The following FUT8 variants were observed in gnomAD, a reference collection of about 807,000 sequenced individuals.
The protein encoded by FUT8 is fucosyltransferase 8, also known as alpha-(1,6)-fucosyltransferase.
Under a neutral mutation model 71.3 loss-of-function variants are expected in FUT8, and 29 were observed. The ratio of observed to expected loss-of-function variants is 0.41; its 90% CI spans 0.30 to 0.55. The LOEUF (loss-of-function observed/expected upper bound fraction) is 0.55. FUT8 is among the 20% of genes least tolerant of loss of function. The pLI, the probability that FUT8 is intolerant of heterozygous loss-of-function variation, is 0.34. For missense variants in FUT8, 544 were observed against 702.1 expected (o/e 0.77, Z 2.55); for synonymous variants, 254 against 239.3 (o/e 1.06, Z -0.57).
chr14:65,529,921 G>T (rs1044308016), intron 2 of FUT8, among the ~76,000 whole-genome samples: 1 of 152,124 alleles, frequency 6.6e-6, no homozygotes. Flanking sequence ...TGTCTTGCCT[G>T]TGAGAACTTA....
chr14:65,363,313 G>A, the FUT8 span, among the ~76,000 whole-genome samples: 5 of 146,330 alleles, frequency 3.4e-5, no homozygotes, highest in Non-Finnish European at 7.4e-5. Context: ...GTAGAGATGG[G>A]GTTTCACCCT....
the FUT8 span, among the ~76,000 whole-genome samples, chr14:65,369,082 G>A: frequency 0.01 from 1,561 of 152,284 alleles, 13 homozygotes; most frequent in Middle Eastern, 0.024. The surrounding 1 kb of genome is among the most constrained non-coding windows in gnomAD (Gnocchi z 4.6). Flanking sequence ...ATGTCTGAAA[G>A]TCAGCATATA....
intron 7 of FUT8, among the ~76,000 whole-genome samples, chr14:65,679,796 G>A (rs1892949951): frequency 1.3e-5 from 2 of 152,196 alleles, no homozygotes; most frequent in African/African-American, 2.4e-5. Flanking sequence ...CTCTGACAGT[G>A]TGTCACATAT....
intron 5 of FUT8, among the ~76,000 whole-genome samples, chr14:65,621,257 G>T (rs7142567): frequency 0.064 from 9,300 of 144,212 alleles, 518 homozygotes; most frequent in African/African-American, 0.15. Flanking sequence ...TTTTTTTTTT[G>T]TTTTGTTTTC....
intron 1 of FUT8, among the ~76,000 whole-genome samples, chr14:65,424,664 T>C (rs928095746): frequency 6.6e-6 from 1 of 151,012 alleles, no homozygotes; most frequent in African/African-American, 2.4e-5. Flanking sequence ...CAGCCTCCCG[T>C]CTTTTTCTTT....
At chr14:65,613,267 A>G (rs1889101812) in intron 3 of FUT8, among the ~76,000 whole-genome samples, 2 of 152,184 alleles carry the variant, frequency 1.3e-5, no homozygotes, top group African/African-American at 2.4e-5. Flanking sequence ...CAATTTTTCT[A>G]TCACTAACAT....
chr14:65,557,449 A>G (rs1159580556), intron 2 of FUT8, among the ~76,000 whole-genome samples: 1 of 151,252 alleles, frequency 6.6e-6, no homozygotes, highest in Non-Finnish European at 1.5e-5. Flanking sequence ...TCTCTGCCTC[A>G]GCCTCCTAAG....
chr14:65,740,191 G>A (rs577738573), intron 10 of FUT8, among the ~76,000 whole-genome samples: 104 of 151,892 alleles, frequency 6.8e-4, no homozygotes, highest in African/African-American at 2.2e-3. Context: ...CAATATAATC[G>A]TTGTTGAACT....
At chr14:65,487,767 T>C (rs2066431000) in intron 2 of FUT8, among the ~76,000 whole-genome samples, 1 of 152,074 alleles carries the variant, frequency 6.6e-6, no homozygotes, top group Non-Finnish European at 1.5e-5. Flanking sequence ...ATCAAGGAGT[T>C]AGTGTTTTGT....
intron 2 of FUT8, among the ~76,000 whole-genome samples, chr14:65,475,233 G>C (rs933456182): frequency 5.9e-5 from 9 of 152,154 alleles, no homozygotes; most frequent in Non-Finnish European, 1.2e-4. Context: ...AGAAATATAA[G>C]TTAATAATTA....
chr14:65,458,412 T>C (rs1452725147), intron 2 of FUT8, among the ~76,000 whole-genome samples: 1 of 152,202 alleles, frequency 6.6e-6, no homozygotes, highest in Non-Finnish European at 1.5e-5. Context: ...GTTTAAACTT[T>C]CTTGAATGAA....
At chr14:65,568,250 TC>T (rs1308540867) in intron 3 of FUT8, among the ~76,000 whole-genome samples, 1 of 151,810 alleles carries the variant, frequency 6.6e-6, no homozygotes, top group Non-Finnish European at 1.5e-5. Context: ...TACTTGTATA[TC>T]TATAGTAATG....
intron 5 of FUT8, among the ~76,000 whole-genome samples, chr14:65,625,673 A>G (rs1469023080): frequency 2.0e-5 from 3 of 152,240 alleles, no homozygotes; most frequent in Admixed American, 6.5e-5. Flanking sequence ...ACATGAAACA[A>G]ATGTCTAAAG....
At chr14:65,594,172 G>A (rs796763765) in intron 3 of FUT8, among the ~76,000 whole-genome samples, 58 of 152,284 alleles carry the variant, frequency 3.8e-4, no homozygotes, top group African/African-American at 1.3e-3. Context: ...AGCCTGCCCC[G>A]CTTAACCCCT....
the FUT8 span, among the ~76,000 whole-genome samples, chr14:65,392,799 G>A: frequency 2.6e-5 from 4 of 152,134 alleles, no homozygotes; most frequent in Non-Finnish European, 4.4e-5. Flanking sequence ...AAAAGATTAA[G>A]AATTTAACAA....
At chr14:65,558,960 A>C (rs1885753776) in intron 2 of FUT8, among the ~76,000 whole-genome samples, 2 of 152,176 alleles carry the variant, frequency 1.3e-5, no homozygotes, top group African/African-American at 4.8e-5. Context: ...ATTGATATAT[A>C]ATATAGTAAT....
chr14:65,566,959 A>G (rs931691572), intron 3 of FUT8, among the ~76,000 whole-genome samples: 1 of 151,940 alleles, frequency 6.6e-6, no homozygotes, highest in Non-Finnish European at 1.5e-5. Context: ...ACCAGAAAAC[A>G]CCCAGAAAAT....
At chr14:65,632,111 C>T (rs1890216976) in intron 6 of FUT8, among the ~76,000 whole-genome samples, 1 of 152,194 alleles carries the variant, frequency 6.6e-6, no homozygotes, top group Non-Finnish European at 1.5e-5. Context: ...GCCACAATTT[C>T]TTTATTCACT....
At chr14:65,508,412 T>TC (rs1306780001) in intron 2 of FUT8, among the ~76,000 whole-genome samples, 2 of 151,594 alleles carry the variant, frequency 1.3e-5, no homozygotes, top group African/African-American at 4.8e-5. Context: ...TATGTCTGTT[T>TC]TTTTTTTGAA....
Sources: gnomAD v4.1 joint callset for allele counts (sites outside exome capture counted in the v4.1 genomes callset) on GRCh38, gnomAD v4.1.1 for gene constraint, Gnocchi (gnomAD v3.1) non-coding constraint, MANE v1.5 for transcripts, NCBI Gene and HGNC (gene_info 2026-07-23, HGNC 2026-07-21) for gene names.